The following SEMA6D variants were observed in gnomAD, a reference collection of about 807,000 sequenced individuals.
SEMA6D encodes the protein semaphorin 6D.
In SEMA6D, 35 loss-of-function variants were observed where a neutral mutation model predicts 106.6. The observed-to-expected ratio is 0.33, with a 90% confidence interval of 0.25 to 0.44. SEMA6D has a LOEUF of 0.44. Ranked by LOEUF, SEMA6D falls within the 20% of genes least tolerant of loss-of-function variation. The pLI, the probability that SEMA6D is intolerant of heterozygous loss-of-function variation, is 1.00. For missense variants in SEMA6D, 1,185 were observed against 1,345.9 expected (o/e 0.88, Z 1.87); for synonymous variants, 499 against 487.7 (o/e 1.02, Z -0.31).
At chr15:47,556,734 A>C (rs2045926926) in intron 3 of SEMA6D, among the ~76,000 whole-genome samples, 1 of 152,088 alleles carries the variant, frequency 6.6e-6, no homozygotes, top group Admixed American at 6.6e-5. Flanking sequence ...TTCCCAACAG[A>C]GTGAGCCCTA....
Position 47,365,890 on chromosome 15 carries a change from G to GGAGAGA in SEMA6D, c.-238-46474_-238-46469dup, listed in dbSNP as rs201368884. Among the ~76,000 whole-genome samples the GGAGAGA allele has an allele frequency of 6.1e-3, 725 of 119,792 alleles. 2 individuals are homozygous for GGAGAGA. Among genetic ancestry groups the GGAGAGA allele is most frequent in the African/African-American group, 7.5e-3 (205 of 27,296 alleles). The allele number at this position is 119,792 out of a possible 152,430, so 78.6% of individuals were successfully genotyped here. ...AAAGAAAGAAAGAGAGAGAGAGAGA[G>GGAGAGA]GAGAGAGAGAGAGAGAGAGAGAGAG... is the stretch of plus-strand genomic sequence containing the variant. On this transcript the variant is annotated intron_variant, in intron 1 of 19. Transcript: ENST00000558014.
intron 2 of SEMA6D, among the ~76,000 whole-genome samples, chr15:47,448,597 C>T (rs879589663): frequency 2.6e-5 from 4 of 152,122 alleles, no homozygotes; most frequent in Admixed American, 2.6e-4. Context: ...TAAGCAGGGC[C>T]TCCTTGTTGT....
At chr15:47,752,630 A>G (rs1161417801) in intron 1 of SEMA6D, among the ~76,000 whole-genome samples, 1 of 152,014 alleles carries the variant, frequency 6.6e-6, no homozygotes, top group Non-Finnish European at 1.5e-5. Flanking sequence ...TAAGAGTTAC[A>G]GAAAATACCA....
At chr15:47,695,514 A>G (rs566572441) in intron 4 of SEMA6D, among the ~76,000 whole-genome samples, 1 of 152,180 alleles carries the variant, frequency 6.6e-6, no homozygotes, top group South Asian at 2.1e-4. Context: ...ACACACGCAT[A>G]GACACACACA....
intron 4 of SEMA6D, among the ~76,000 whole-genome samples, chr15:47,645,949 G>A (rs569004444): frequency 2.6e-5 from 4 of 152,150 alleles, no homozygotes; most frequent in East Asian, 1.9e-4. Flanking sequence ...GTGAGGCACC[G>A]AGCTTCCGTG....
intron 3 of SEMA6D, among the ~76,000 whole-genome samples, chr15:47,760,623 C>G (rs2082007599): frequency 6.6e-6 from 1 of 151,732 alleles, no homozygotes; most frequent in African/African-American, 2.4e-5. Context: ...TTACTGCCAT[C>G]AAGAAATCAT....
intron 4 of SEMA6D, among the ~76,000 whole-genome samples, chr15:47,663,111 T>C (rs899918056): frequency 6.6e-6 from 1 of 152,134 alleles, no homozygotes; most frequent in African/African-American, 2.4e-5. Flanking sequence ...CGTGAGATAA[T>C]ATTTAAAAAC....
intron 4 of SEMA6D, among the ~76,000 whole-genome samples, chr15:47,645,868 A>G (rs2077573363): frequency 1.3e-5 from 2 of 152,130 alleles, no homozygotes; most frequent in African/African-American, 4.8e-5. Flanking sequence ...TTACCCATGT[A>G]TTATAAAGGA....
At chr15:47,591,117 G>A (rs2076431352) in intron 3 of SEMA6D, among the ~76,000 whole-genome samples, 1 of 152,182 alleles carries the variant, frequency 6.6e-6, no homozygotes, top group South Asian at 2.1e-4. Flanking sequence ...TGCAGGTGAG[G>A]ACTTTCTCCC....
chr15:47,677,366 G>A (rs1204119796), intron 4 of SEMA6D, among the ~76,000 whole-genome samples: 1 of 152,140 alleles, frequency 6.6e-6, no homozygotes, highest in East Asian at 1.9e-4. Context: ...TGGGTTCCAA[G>A]AGGCATCCCA....
chr15:47,586,309 A>C (rs1237899123), intron 3 of SEMA6D, among the ~76,000 whole-genome samples: 5 of 152,206 alleles, frequency 3.3e-5, no homozygotes, highest in Non-Finnish European at 5.9e-5. Context: ...GGCCTATTAG[A>C]AGATGAGAGC....
At chr15:47,764,526 C>T (rs759592508) in intron 11 of SEMA6D, 112 bp from the exon 12 acceptor site, 103 of 1,459,658 alleles carry the variant, frequency 7.1e-5, no homozygotes, top group Non-Finnish European at 9.5e-5. Context: ...GTTTCACTCA[C>T]TCTCCTTCCT....
chr15:47,443,213 T>C (rs1053075436), intron 2 of SEMA6D, among the ~76,000 whole-genome samples: 21 of 152,248 alleles, frequency 1.4e-4, no homozygotes, highest in African/African-American at 5.1e-4. Context: ...TACACACCTC[T>C]CATTGAGAGG....
intron 1 of SEMA6D, among the ~76,000 whole-genome samples, chr15:47,723,339 A>G (rs974662171): frequency 6.6e-6 from 1 of 152,188 alleles, no homozygotes. Flanking sequence ...TTTCCTGTCC[A>G]AGATTACAGT....
intron 1 of SEMA6D, among the ~76,000 whole-genome samples, chr15:47,386,213 T>C (rs1382702933): frequency 6.6e-6 from 1 of 152,100 alleles, no homozygotes; most frequent in African/African-American, 2.4e-5. Context: ...AAATGACTTA[T>C]ATATCCTCAA....
intron 4 of SEMA6D, among the ~76,000 whole-genome samples, chr15:47,677,977 G>A (rs529425021): frequency 4.1e-4 from 63 of 152,252 alleles, no homozygotes; most frequent in African/African-American, 1.4e-3. Flanking sequence ...TAGAAAAAAA[G>A]GGAGTGTGAA....
Position 47,550,550 on chromosome 15 carries a change from C to T in SEMA6D, c.-86-50315C>T, listed in dbSNP as rs59589078. Among the ~76,000 whole-genome samples the T allele has an allele frequency of 1.2e-3, 177 of 152,228 alleles. 1 individual carries two copies. The highest frequency in any genetic ancestry group is 4.2e-3 in the African/African-American group (174 of 41,542). ...CAGCCAAGGAATCTGAGTGTGTTGT[C>T]AAGGAAACCTCCATGATTTTATTCA... On this transcript the variant is annotated intron_variant, in intron 3 of 19. Coordinates refer to the SEMA6D transcript ENST00000558014.
intron 1 of SEMA6D, among the ~76,000 whole-genome samples, chr15:47,225,240 CT>C (rs1392925179): frequency 6.6e-6 from 1 of 152,010 alleles, no homozygotes; most frequent in Admixed American, 6.6e-5. Flanking sequence ...GTCAAACTGT[CT>C]TCAAGGTGGC....
intron 1 of SEMA6D, among the ~76,000 whole-genome samples, chr15:47,186,729 T>C (rs1234105168): frequency 6.6e-6 from 1 of 152,132 alleles, no homozygotes; most frequent in African/African-American, 2.4e-5. Flanking sequence ...TGAAGAGTAT[T>C]CACAGCTATG....
Sources: allele counts gnomAD v4.1 joint callset (sites outside exome capture counted in the v4.1 genomes callset), GRCh38; gene constraint gnomAD v4.1.1; transcripts MANE v1.5; gene names NCBI Gene and HGNC (gene_info 2026-07-23, HGNC 2026-07-21).